TAS2R1: variants seen among roughly 807,000 people sequenced by gnomAD.
The protein encoded by TAS2R1 is taste receptor type 2 member 1.
For missense variants in TAS2R1, 370 were observed against 353.4 expected (o/e 1.05, Z -0.38); for synonymous variants, 141 against 134.2 (o/e 1.05, Z -0.35).
chr5:9,851,614 TG>T, the TAS2R1 span, among the ~76,000 whole-genome samples: 1 of 152,080 alleles, frequency 6.6e-6, no homozygotes, highest in Non-Finnish European at 1.5e-5. Context: ...GTTGGTCATC[TG>T]CAGAATATGC....
the TAS2R1 span, among the ~76,000 whole-genome samples, chr5:9,859,285 A>C: frequency 6.6e-6 from 1 of 152,318 alleles, no homozygotes; most frequent in Admixed American, 6.5e-5. Flanking sequence ...AAAGAAACCA[A>C]ATGAAAGCAA....
intron 1 of TAS2R1, among the ~76,000 whole-genome samples, chr5:9,667,898 A>G (rs911745139): frequency 6.6e-6 from 1 of 152,222 alleles, no homozygotes; most frequent in African/African-American, 2.4e-5. Flanking sequence ...CAACCGCACT[A>G]GTTCCCCAGC....
the TAS2R1 span, among the ~76,000 whole-genome samples, chr5:9,847,641 G>A: frequency 0.29 from 43,735 of 152,158 alleles, 6,982 homozygotes; most frequent in Non-Finnish European, 0.37. Flanking sequence ...GAGCATCAAC[G>A]ACAAGCCAGC....
chr5:9,678,006 G>A (rs926813328), intron 1 of TAS2R1, among the ~76,000 whole-genome samples: 1 of 152,010 alleles, frequency 6.6e-6, no homozygotes, highest in Non-Finnish European at 1.5e-5. Context: ...GTTCAAAGCT[G>A]CAGTGCAAAA....
At chr5:9,843,447 G>C in the TAS2R1 span, among the ~76,000 whole-genome samples, 1 of 152,076 alleles carries the variant, frequency 6.6e-6, no homozygotes, top group East Asian at 1.9e-4. Context: ...AGAATATCTT[G>C]CAACTAATCT....
chr5:9,776,465 G>T, the TAS2R1 span, among the ~76,000 whole-genome samples: 2 of 152,180 alleles, frequency 1.3e-5, no homozygotes, highest in African/African-American at 2.4e-5. Flanking sequence ...GTGGACAGTT[G>T]TTTCTATCCA....
chr5:9,734,942 T>G, the TAS2R1 span, among the ~76,000 whole-genome samples: 3 of 151,564 alleles, frequency 2.0e-5, no homozygotes, highest in African/African-American at 4.9e-5. Context: ...AAGAACTACC[T>G]GAGACTGAGT....
chr5:9,753,905 A>G, the TAS2R1 span, among the ~76,000 whole-genome samples: 6 of 152,162 alleles, frequency 3.9e-5, no homozygotes, highest in African/African-American at 1.2e-4. Context: ...CCATTGGTCT[A>G]TATATCTGTT....
At chr5:9,687,766 C>T (rs1251371895) in intron 1 of TAS2R1, among the ~76,000 whole-genome samples, 1 of 152,170 alleles carries the variant, frequency 6.6e-6, no homozygotes, top group Non-Finnish European at 1.5e-5. Context: ...GTTCTGTGAG[C>T]CTGTGGAATC....
chr5:9,810,361 C>T, the TAS2R1 span, among the ~76,000 whole-genome samples: 1 of 152,194 alleles, frequency 6.6e-6, no homozygotes, highest in Admixed American at 6.5e-5. Context: ...AGTTTCAGCC[C>T]ATGTGAATAT....
chr5:9,745,680 T>C, the TAS2R1 span, among the ~76,000 whole-genome samples: 1 of 152,150 alleles, frequency 6.6e-6, no homozygotes. Context: ...GGATTCTCTA[T>C]TTAATAAATG....
chr5:9,650,893 G>C (rs1305507231), intron 2 of TAS2R1, among the ~76,000 whole-genome samples: 1 of 152,154 alleles, frequency 6.6e-6, no homozygotes, highest in Non-Finnish European at 1.5e-5. Context: ...CACATGGTGG[G>C]TGCTCACAAA....
At chr5:9,758,157 ACT>A in the TAS2R1 span, among the ~76,000 whole-genome samples, 1 of 152,184 alleles carries the variant, frequency 6.6e-6, no homozygotes, top group South Asian at 2.1e-4. Flanking sequence ...CTTTAAAGAA[ACT>A]CTAAGAATAT....
At chr5:9,637,187 G>T (rs974236157) in intron 2 of TAS2R1, among the ~76,000 whole-genome samples, 1 of 152,140 alleles carries the variant, frequency 6.6e-6, no homozygotes, top group South Asian at 2.1e-4. Context: ...CATTTATGAA[G>T]CTTAGTTTTG....
At chr5:9,672,782 T>A (rs570257283) in intron 1 of TAS2R1, among the ~76,000 whole-genome samples, 1 of 152,158 alleles carries the variant, frequency 6.6e-6, no homozygotes, top group South Asian at 2.1e-4. Flanking sequence ...GACCTGGCAA[T>A]CCCATTATTG....
chr5:9,685,538 C>T (rs1465489861), intron 1 of TAS2R1, among the ~76,000 whole-genome samples: 2 of 151,864 alleles, frequency 1.3e-5, no homozygotes, highest in Non-Finnish European at 2.9e-5. Context: ...AAATCAAGTG[C>T]ACTAGAACCA....
chr5:9,691,427 C>T (rs759525981), intron 1 of TAS2R1, among the ~76,000 whole-genome samples: 1 of 152,262 alleles, frequency 6.6e-6, no homozygotes, highest in Non-Finnish European at 1.5e-5. Context: ...AGCCACCAGG[C>T]TTGTGGTACT....
the TAS2R1 span, among the ~76,000 whole-genome samples, chr5:9,806,842 G>A: frequency 2.0e-5 from 3 of 152,082 alleles, no homozygotes; most frequent in African/African-American, 7.2e-5. Context: ...ATTGGCTTAG[G>A]CAAAGAGTTC....
chr5:9,898,874 T>C, the TAS2R1 span, among the ~76,000 whole-genome samples: 1 of 152,190 alleles, frequency 6.6e-6, no homozygotes, highest in African/African-American at 2.4e-5. Context: ...ACCCATTTCT[T>C]TCAATAAAAC....
Sources: gnomAD v4.1 joint callset for allele counts (sites outside exome capture counted in the v4.1 genomes callset) on GRCh38, gnomAD v4.1.1 for gene constraint, MANE v1.5 for transcripts, NCBI Gene and HGNC (gene_info 2026-07-23, HGNC 2026-07-21) for gene names.